Variants in UBR2 observed in about 807,000 individuals in gnomAD.
The protein encoded by UBR2 is E3 ubiquitin-protein ligase UBR2.
In UBR2, 92 loss-of-function variants were observed where a neutral mutation model predicts 247.9. The observed-to-expected ratio is 0.37, with a 90% CI of 0.31 to 0.44. UBR2 has a LOEUF of 0.44. Ranked by LOEUF, UBR2 falls within the 20% of genes least tolerant of loss-of-function variation. UBR2 has a pLI of 1.00. For missense variants in UBR2, 1,613 were observed against 2,112.6 expected, an observed-to-expected ratio of 0.76 and a Z score of 4.64; for synonymous variants, 672 against 693.5, an observed-to-expected ratio of 0.97 and a Z score of 0.49.
chr6:42,684,540 C>T (rs1185937764), intron 43 of UBR2, among the ~76,000 whole-genome samples: 10 of 151,236 alleles, frequency 6.6e-5, no homozygotes, highest in African/African-American at 2.2e-4. Context: ...GCCAAGATTG[C>T]GCCACTGCAC....
chr6:42,655,818 A>G, intron 26 of UBR2, 95 bp downstream of exon 26: 2 of 716,608 alleles, frequency 2.8e-6, no homozygotes, highest in Non-Finnish European at 4.3e-6. Context: ...TAGATTCTAA[A>G]AGGGTAATAT....
In UBR2 at chr6:42,640,234, T is replaced by C. The variant is rs775285181; in HGVS notation, c.1884T>C (p.Ser628=). The C allele has an allele frequency of 6.2e-7, 1 of 1,607,946 alleles. No homozygotes were observed. Among genetic ancestry groups the C allele is most frequent in the South Asian group, 1.1e-5 (1 of 89,466 alleles). ...GTTTACATGTATTATTAAGCAAAAG[T>C]GAAGTGGCATATAAATTTCCAGAGC... ...LAGLHVLLSK[S]EVAYKFPELL... is the part of the protein sequence containing the mutation. The change falls in exon 16 of 47, where the codon AGT becomes AGC. Residue 628 remains serine, a synonymous_variant. Transcript: ENST00000372901.
intron 11 of UBR2, among the ~76,000 whole-genome samples, chr6:42,618,283 A>T (rs960558704): frequency 2.0e-5 from 3 of 152,210 alleles, no homozygotes; most frequent in African/African-American, 7.2e-5. Flanking sequence ...GGGAAGGTCC[A>T]TACAAAGGAA....
At chr6:42,658,488 C>A in intron 28 of UBR2, 158 bp from the exon 29 acceptor site, 1 of 1,098,200 alleles carries the variant, frequency 9.1e-7, no homozygotes, top group Middle Eastern at 3.0e-4. Flanking sequence ...TGCTTTTTTT[C>A]TTTAAAACAA....
chr6:42,573,634 C>T (rs1273900530), intron 1 of UBR2, 100 bp from the exon 2 acceptor site: 8 of 1,292,918 alleles, frequency 6.2e-6, no homozygotes, highest in Non-Finnish European at 7.1e-6. Flanking sequence ...TTTTAATATG[C>T]TTTTGTCATT....
At chr6:42,632,067 A>AT (rs60620486) in intron 11 of UBR2, among the ~76,000 whole-genome samples, 627 of 80,332 alleles carry the variant, frequency 7.8e-3, no homozygotes, top group Middle Eastern at 0.029. Flanking sequence ...AAAAAAAAAA[A>AT]AAATATATAT....
At chr6:42,573,707 C>A in intron 1 of UBR2, 27 bp from the exon 2 acceptor site, 3 of 1,471,040 alleles carry the variant, frequency 2.0e-6, no homozygotes, top group South Asian at 2.9e-5. Context: ...TGTTTAAAAC[C>A]ATTTCTTCTC....
intron 4 of UBR2, among the ~76,000 whole-genome samples, chr6:42,597,598 C>CAA (rs34005192): frequency 4.6e-4 from 60 of 131,818 alleles, no homozygotes; most frequent in Non-Finnish European, 4.4e-4. Flanking sequence ...ACTCTGTCTC[C>CAA]AAAAAAAAAA....
intron 31 of UBR2, among the ~76,000 whole-genome samples, chr6:42,662,949 C>CAA (rs199701853): frequency 6.7e-6 from 1 of 148,754 alleles, no homozygotes; most frequent in Non-Finnish European, 1.5e-5. Context: ...ACAACAACAA[C>CAA]AACAAAAAAA....
At chr6:42,580,688 C>T (rs768333018) in intron 2 of UBR2, among the ~76,000 whole-genome samples, 12 of 151,850 alleles carry the variant, frequency 7.9e-5, no homozygotes, top group East Asian at 5.9e-4. Context: ...TACAGGTGCC[C>T]GCCACCACGC....
At chr6:42,594,462 G>A (rs1378730585) in intron 4 of UBR2, among the ~76,000 whole-genome samples, 158 bp downstream of exon 4, 7 of 152,102 alleles carry the variant, frequency 4.6e-5, no homozygotes, top group African/African-American at 1.2e-4. Context: ...GATGCTGTAC[G>A]GTTGCTAATA....
At chr6:42,654,314 A>G (rs1377525506) in intron 25 of UBR2, among the ~76,000 whole-genome samples, 1 of 152,194 alleles carries the variant, frequency 6.6e-6, no homozygotes, top group East Asian at 1.9e-4. Flanking sequence ...TGTGAACAAT[A>G]TTTACCTTAC....
intron 45 of UBR2, among the ~76,000 whole-genome samples, chr6:42,688,864 A>G (rs548256343): frequency 6.6e-6 from 1 of 152,156 alleles, no homozygotes; most frequent in Non-Finnish European, 1.5e-5. Context: ...GTTTTGTATG[A>G]GAGAGAGGAC....
chr6:42,598,260 A>AT (rs1313491874), intron 4 of UBR2, among the ~76,000 whole-genome samples: 5 of 152,212 alleles, frequency 3.3e-5, no homozygotes, highest in Admixed American at 3.3e-4. Flanking sequence ...ACATGAGAAA[A>AT]TTATATGAAA....
chr6:42,654,881 G>A (rs983617210), intron 25 of UBR2, among the ~76,000 whole-genome samples: 2 of 152,212 alleles, frequency 1.3e-5, no homozygotes, highest in Admixed American at 6.5e-5. Context: ...GTCTTTCTCA[G>A]ATGATGAAGA....
intron 4 of UBR2, among the ~76,000 whole-genome samples, chr6:42,595,305 C>T (rs1441235410): frequency 2.0e-5 from 3 of 152,206 alleles, no homozygotes; most frequent in African/African-American, 4.8e-5. Flanking sequence ...GTGGCAGTCC[C>T]TCTTCTGCTA....
intron 35 of UBR2, 92 bp from the exon 36 acceptor site, chr6:42,670,568 G>A (rs1379241207): frequency 4.6e-6 from 4 of 862,158 alleles, no homozygotes; most frequent in Non-Finnish European, 6.9e-6. Context: ...TGTACTTTCT[G>A]TAGGATTGGG....
rs1432952275 is a variant in UBR2 at position 42,632,607 on chromosome 6, T to C, written c.1337T>C (p.Met446Thr). 1 of 1,613,378 alleles carries C rather than the reference T, an allele frequency of 6.2e-7. No homozygotes were observed. The highest frequency in any genetic ancestry group is 1.7e-5 in the Admixed American group (1 of 59,862). ...ATGAGCATTATCATTAAGACTTTTA[T>C]GGATCATTTGAGACATCGAGATGCC... ...NLMSIIIKTF[M>T]DHLRHRDAQG... is the part of the protein sequence containing the mutation. Residue 446 changes from methionine to threonine, a missense_variant, in exon 12 of 47, where the codon ATG becomes ACG. Coordinates refer to ENST00000372901, the MANE Select transcript of UBR2 (RefSeq NM_001363705.2).
Position 42,594,238 on chromosome 6 carries a change from A to G in UBR2, c.465A>G (p.Glu155=), listed in dbSNP as rs1219858190. The stretch of plus-strand genomic sequence containing the variant: ...GTTTCTGTGACTGTGGTGATACTGA[A>G]GCCTGGAAAGAGGGTCCTTACTGTC... The part of the protein sequence containing the change: ...GGGFCDCGDT[E]AWKEGPYCQK... The change falls in exon 4 of 47, where the codon GAA becomes GAG. Residue 155 remains glutamate, a synonymous_variant. Coordinates refer to ENST00000372901, the MANE Select transcript of UBR2 (RefSeq NM_001363705.2). The G allele has an allele frequency of 3.1e-6, 5 of 1,613,452 alleles. No homozygotes were observed. Among genetic ancestry groups the G allele is most frequent in the Non-Finnish European group, 4.2e-6 (5 of 1,179,644 alleles).
Sources: allele counts gnomAD v4.1 joint callset (sites outside exome capture counted in the v4.1 genomes callset), GRCh38; gene constraint gnomAD v4.1.1; transcripts MANE v1.5; gene names NCBI Gene and HGNC (gene_info 2026-07-23, HGNC 2026-07-21).